Variants in DOT1L observed in about 807,000 individuals in gnomAD.
DOT1L encodes the protein DOT1 like histone lysine methyltransferase.
In DOT1L, 33 loss-of-function variants were observed where a neutral mutation model predicts 153.3. That is an observed-to-expected ratio of 0.22 (90% CI 0.16 to 0.29). The LOEUF is 0.29. Among genes scored for constraint, DOT1L ranks in the 10% least tolerant of loss-of-function variants. DOT1L has a pLI of 1.00. For synonymous variants in DOT1L, 1,135 were observed against 965.1 expected (o/e 1.18, Z -3.26); for missense variants, 1,847 against 2,119.9 (o/e 0.87, Z 2.53).
At chr19:2,185,326 C>A (rs1284129907) in intron 2 of DOT1L, among the ~76,000 whole-genome samples, 2 of 152,194 alleles carry the variant, frequency 1.3e-5, no homozygotes, top group African/African-American at 4.8e-5. Flanking sequence ...GGTGTGTGGC[C>A]TCGAAGCCAC....
intron 1 of DOT1L, among the ~76,000 whole-genome samples, chr19:2,166,660 C>T (rs979637831): frequency 5.9e-5 from 9 of 152,198 alleles, no homozygotes; most frequent in Non-Finnish European, 1.0e-4. Flanking sequence ...ATCCGCCTGC[C>T]TTGGCTTCCC....
chr19:2,213,716 C>T lies in DOT1L; in HGVS notation c.1659+76C>T, dbSNP rs905843794. ...GGGTGGTCCATGTCCGTCGGTATGGCTTCCTGTGGCTTCCTGTCTATGCCT... is the reference window on the plus strand; with the variant it reads ...GGGTGGTCCATGTCCGTCGGTATGGTTTCCTGTGGCTTCCTGTCTATGCCT... On this transcript the variant is annotated intron_variant, in intron 17 of 27. Coordinates refer to ENST00000398665, the MANE Select transcript of DOT1L (RefSeq NM_032482.3). 6 of 1,597,126 alleles carry T rather than the reference C, an allele frequency of 3.8e-6. No homozygotes were observed. In the African/African-American group the frequency reaches 4.0e-5, roughly 11 times the overall value.
At chr19:2,187,625 G>C (rs1568337358) in intron 3 of DOT1L, among the ~76,000 whole-genome samples, 1 of 152,272 alleles carries the variant, frequency 6.6e-6, no homozygotes, top group East Asian at 1.9e-4. Context: ...GCGGCGTGTA[G>C]AAGTGGAAAC....
Position 2,207,920 on chromosome 19 carries a change from C to T in DOT1L, c.963+240C>T, listed in dbSNP as rs186224316. 3.3e-5 allele frequency among the ~76,000 whole-genome samples: 5 copies of T among 152,012 alleles called. No homozygotes were observed. Among genetic ancestry groups the T allele is most frequent in the Non-Finnish European group, 4.4e-5 (3 of 67,968 alleles). On this transcript the variant is annotated intron_variant, in intron 11 of 27. Transcript: ENST00000398665. This position sits in a 1 kb window ranked among gnomAD's most constrained non-coding sequence, Gnocchi z 4.5. ...CCTGGGTGAGGGCTGAGTGCTGTCT[C>T]CCCTAGTCTACGCTCAGCTCCTGGG...
At chr19:2,202,486 CCT>C (rs1002484188) in intron 8 of DOT1L, among the ~76,000 whole-genome samples, 5 of 152,220 alleles carry the variant, frequency 3.3e-5, no homozygotes, top group African/African-American at 1.2e-4. Context: ...AATCCTGCCC[CCT>C]CTGTTTTTGG....
intron 27 of DOT1L, 120 bp downstream of exon 27, chr19:2,227,247 G>A: frequency 1.5e-6 from 2 of 1,326,572 alleles, no homozygotes; most frequent in South Asian, 1.2e-5. Context: ...CCCTGGTGCC[G>A]GCCGGCCCCC....
chr19:2,196,915 G>A (rs1049680977), intron 7 of DOT1L, among the ~76,000 whole-genome samples: 13 of 152,192 alleles, frequency 8.5e-5, no homozygotes, highest in Admixed American at 7.2e-4. Flanking sequence ...AGTGTGCAGC[G>A]TGCGCTTTTT....
chr19:2,190,967 G>A lies in DOT1L; in HGVS notation c.265-45G>A. 2 of 1,526,766 alleles carry A rather than the reference G, an allele frequency of 1.3e-6. No homozygotes were observed. Among genetic ancestry groups the A allele is most frequent in the Non-Finnish European group, 8.8e-7 (1 of 1,132,728 alleles). 94.6% of individuals were successfully genotyped at this position (1,526,766 alleles called of 1,614,324 possible). A position where few individuals can be genotyped will look rare whatever the true frequency, so the allele number is the denominator to read the frequency against. On this transcript the variant is annotated intron_variant, in intron 4 of 27. Transcript: ENST00000398665. The surrounding 1 kb of genome is among the most constrained non-coding windows in gnomAD (Gnocchi z 4.8). ...CGGGTCTTGGTGGTGGAGGGGCTGGGCCGTGAGGTTTATGTGACATGGCCG... is the reference window on the plus strand; with the variant it reads ...CGGGTCTTGGTGGTGGAGGGGCTGGACCGTGAGGTTTATGTGACATGGCCG...
At chr19:2,189,304 C>G (rs1022158308) in intron 3 of DOT1L, among the ~76,000 whole-genome samples, 2 of 152,162 alleles carry the variant, frequency 1.3e-5, no homozygotes, top group Non-Finnish European at 2.9e-5. Context: ...AGACCCCAGC[C>G]GTTCACCTGC....
At chr19:2,226,134 C>T (rs777577977) in intron 26 of DOT1L, 49 bp from the exon 27 acceptor site, 54 of 1,482,362 alleles carry the variant, frequency 3.6e-5, no homozygotes, top group Non-Finnish European at 4.7e-5. Context: ...TCATGGGTAG[C>T]CCGGGCAGGT....
intron 3 of DOT1L, among the ~76,000 whole-genome samples, chr19:2,186,217 G>A (rs767920671): frequency 6.6e-5 from 10 of 152,272 alleles, no homozygotes; most frequent in Non-Finnish European, 1.5e-4. Context: ...TATAGCGGGC[G>A]GCTGACGGCC....
At chr19:2,168,492 G>A (rs761291627) in intron 1 of DOT1L, among the ~76,000 whole-genome samples, 4 of 152,194 alleles carry the variant, frequency 2.6e-5, no homozygotes, top group South Asian at 4.1e-4. Context: ...AACTGTCCAC[G>A]CTCGGAAATG....
At position 2,220,144 on chromosome 19, in the gene DOT1L, C is replaced by G; in HGVS notation, c.2728C>G (p.Pro910Ala). Residue 910 changes from proline to alanine, a missense_variant, in exon 23 of 28, where the codon CCC becomes GCC. Physicochemically the swap from Pro to Ala is conservative, Grantham distance 27. Around this residue, in one of 8 missense-constraint regions of DOT1L, gnomAD observed 68 missense variants for 80.7 expected, o/e 0.84. Coordinates refer to ENST00000398665, the MANE Select transcript of DOT1L (RefSeq NM_032482.3). The surrounding 1 kb of genome is among the most constrained non-coding windows in gnomAD (Gnocchi z 4.5). The stretch of plus-strand genomic sequence containing the variant: ...CAGTCCCGTGCTGCAGCCCCGTGAC[C>G]CCTCGTCCACACTTGAAAAGCAGAT... ...TPSPVLQPRD[P>A]SSTLEKQIGA... 6.2e-7 allele frequency: 1 copy of G among 1,613,420 alleles called. No individual in the cohort carries two copies.
chr19:2,227,870 C>G (rs1263241667), intron 27 of DOT1L: 5 of 1,278,754 alleles, frequency 3.9e-6, no homozygotes, highest in African/African-American at 3.2e-5. Flanking sequence ...CGGCCTCTTC[C>G]TTTCAGGCCC....
rs752866665 is a variant in DOT1L, at chr19:2,191,176, G to A, written c.429G>A (p.Leu143=). The A allele has an allele frequency of 1.2e-6, 2 of 1,613,714 alleles. No individual in the cohort carries two copies. Among genetic ancestry groups the A allele is most frequent in the Non-Finnish European group, 1.7e-6 (2 of 1,179,992 alleles). The change falls in exon 5 of 28, where the codon CTG becomes CTA. Residue 143 remains leucine, a synonymous_variant. Coordinates refer to ENST00000398665, the MANE Select transcript of DOT1L (RefSeq NM_032482.3). The surrounding 1 kb of genome is among the most constrained non-coding windows in gnomAD (Gnocchi z 6.8). Reference sequence around the variant, plus strand: ...TGTACGGGGAGACCTCCTTCGACCTGGTGGCCCAGATGATTGATGAGATCA... The same window carrying A: ...TGTACGGGGAGACCTCCTTCGACCTAGTGGCCCAGATGATTGATGAGATCA... ...PEVYGETSFD[L]VAQMIDEIKM... is the part of the protein sequence containing the mutation.
At chr19:2,225,004 T>C (rs544517036) in intron 25 of DOT1L, among the ~76,000 whole-genome samples, 106 of 152,240 alleles carry the variant, frequency 7.0e-4, no homozygotes, top group African/African-American at 2.5e-3. Context: ...GCTGTGGCAT[T>C]GTTTGCCACC....
chr19:2,219,410 C>T (rs1460507707), intron 22 of DOT1L, among the ~76,000 whole-genome samples: 3 of 152,256 alleles, frequency 2.0e-5, no homozygotes, highest in Admixed American at 6.5e-5. Context: ...CGTCCCCCAG[C>T]CCCCGGGCCC....
At position 2,229,029 on chromosome 19, in the gene DOT1L, C is replaced by G. The variant is rs577499264; in HGVS notation, c.4607-756C>G. 507 of 985,444 alleles carry G rather than the reference C, an allele frequency of 5.1e-4. 6 individuals carry two copies. The African/African-American group carries it at 8.2e-3, about 16-fold the overall frequency. The allele number at this position is 985,444 out of a possible 1,614,324, so 61.0% of individuals were successfully genotyped here. A position where few individuals can be genotyped will look rare whatever the true frequency, so the allele number is the denominator to read the frequency against. On this transcript the variant is annotated intron_variant, in intron 27 of 27. Coordinates refer to ENST00000398665, the MANE Select transcript of DOT1L (RefSeq NM_032482.3). ...CCCCTTGCTGGACACGGCTGATGGCCACACTGCCCTGTGGTCATGGCCCAC... is the reference window on the plus strand; with the variant it reads ...CCCCTTGCTGGACACGGCTGATGGCGACACTGCCCTGTGGTCATGGCCCAC...
chr19:2,224,433 GAAGTGATAT>G (rs2024246496), intron 25 of DOT1L, among the ~76,000 whole-genome samples: 1 of 150,938 alleles, frequency 6.6e-6, no homozygotes, highest in African/African-American at 2.4e-5. Context: ...GAGTCGTCGT[GAAGTGATAT>G]AACATGGTAG....
Sources: allele counts gnomAD v4.1 joint callset (sites outside exome capture counted in the v4.1 genomes callset), GRCh38; gene constraint gnomAD v4.1.1; regional missense constraint gnomAD v4.1.1; non-coding constraint Gnocchi (gnomAD v3.1); transcripts MANE v1.5; gene names NCBI Gene and HGNC (gene_info 2026-07-23, HGNC 2026-07-21).